The following COL6A5 variants were observed in gnomAD, a reference collection of about 807,000 sequenced individuals.
COL6A5 encodes collagen type VI alpha 5 chain.
Under a neutral mutation model 65.6 loss-of-function variants are expected in COL6A5, and 48 were observed. That is an observed-to-expected ratio of 0.73 (90% CI 0.58 to 0.93). The LOEUF is 0.93. Among genes scored for constraint, COL6A5 ranks in the 40% least tolerant of loss-of-function variants. COL6A5 has a pLI of 0.00. For missense variants in COL6A5, 914 were observed against 928.3 expected (o/e 0.98, Z 0.20); for synonymous variants, 291 against 322.8 (o/e 0.90, Z 1.05).
At chr3:130,440,021 C>T (rs1156382957) in intron 2 of COL6A5, 145 bp from the exon 35 acceptor site, 2 of 736,410 alleles carry the variant, frequency 2.7e-6, no homozygotes, top group Admixed American at 2.9e-5. Flanking sequence ...GAAAATTTCT[C>T]ATTAATTTAA....
At chr3:130,430,790 G>A (rs1937768614), upstream of COL6A5, among the ~76,000 whole-genome samples, 1 of 152,118 alleles carries the variant, frequency 6.6e-6, no homozygotes, top group Non-Finnish European at 1.5e-5. Flanking sequence ...TTTATCCTCT[G>A]AATCCTCATT....
intron 6 of COL6A5, 88 bp from the exon 7 acceptor site, chr3:130,391,091 T>G (rs1212428557): frequency 2.2e-6 from 2 of 892,148 alleles, no homozygotes; most frequent in African/African-American, 3.4e-5. Context: ...AGTAGGCTCA[T>G]GGCAAATGCC....
In COL6A5 at chr3:130,482,458, T is replaced by G. The variant is rs369572177; in HGVS notation, c.2329-1577T>G. Reference sequence around the variant, plus strand: ...TTTTGGTTACTGTAGCCTTGTAGTATAGTTTGAAGTCAGGCAGCATGATGC... The same window carrying G: ...TTTTGGTTACTGTAGCCTTGTAGTAGAGTTTGAAGTCAGGCAGCATGATGC... On this transcript the variant is annotated intron_variant, in intron 7 of 7. Coordinates refer to ENST00000512836, the Ensembl canonical transcript of COL6A5. 5.6e-4 allele frequency among the ~76,000 whole-genome samples: 85 copies of G among 152,314 alleles called. 1 individual carries two copies. In the South Asian group the frequency reaches 0.017, roughly 30 times the overall value.
At chr3:130,349,567 A>G (rs1417326215) in intron 1 of COL6A5, among the ~76,000 whole-genome samples, 2 of 152,224 alleles carry the variant, frequency 1.3e-5, no homozygotes, top group Non-Finnish European at 2.9e-5. Context: ...GTAAATCATA[A>G]TGTAATAATC....
At chr3:130,374,213 T>C (rs947243915) in intron 2 of COL6A5, among the ~76,000 whole-genome samples, 1 of 152,166 alleles carries the variant, frequency 6.6e-6, no homozygotes, top group Non-Finnish European at 1.5e-5. Context: ...GTAAACATCA[T>C]AGAGTATACT....
intron 7 of COL6A5, among the ~76,000 whole-genome samples, chr3:130,482,968 G>A (rs1159613270): frequency 6.6e-6 from 1 of 152,088 alleles, no homozygotes; most frequent in African/African-American, 2.4e-5. Context: ...GTTAAGGGCA[G>A]CCAGAGAGAA....
chr3:130,394,769 T>G (rs1363461537), intron 7 of COL6A5, 121 bp from the exon 8 acceptor site: 5 of 685,934 alleles, frequency 7.3e-6, no homozygotes, highest in Non-Finnish European at 1.2e-5. Flanking sequence ...TCTTGTTAAC[T>G]TATCTCAATT....
Position 130,347,001 on chromosome 3 carries a change from A to G in COL6A5, c.-29+1020A>G, listed in dbSNP as rs137993146. On this transcript the variant is annotated intron_variant and NMD_transcript_variant, in intron 1 of 41. Coordinates refer to the COL6A5 transcript ENST00000312481. ...TAGAGAAGATAATTCCCAAGTTTTT[A>G]AATAACTCCTTCAGATGAGGCAGGC... is the stretch of plus-strand genomic sequence containing the variant. Among the ~76,000 whole-genome samples, 712 of 152,306 alleles carry G rather than the reference A, an allele frequency of 4.7e-3. 3 individuals are homozygous for G. The highest frequency in any genetic ancestry group is 0.017 in the African/African-American group (691 of 41,562).
At chr3:130,366,008 C>A (rs930745715) in intron 1 of COL6A5, among the ~76,000 whole-genome samples, 1 of 152,248 alleles carries the variant, frequency 6.6e-6, no homozygotes, top group African/African-American at 2.4e-5. Context: ...TAATGAGGCA[C>A]GCAACCAGAC....
intron 1 of COL6A5, among the ~76,000 whole-genome samples, chr3:130,347,216 G>A (rs1200748308): frequency 6.6e-6 from 1 of 152,132 alleles, no homozygotes; most frequent in Non-Finnish European, 1.5e-5. Flanking sequence ...TCTTCAATGG[G>A]TGGGTGCAGG....
chr3:130,479,948 T>C (rs1214232387), intron 7 of COL6A5, among the ~76,000 whole-genome samples: 1 of 152,118 alleles, frequency 6.6e-6, no homozygotes, highest in East Asian at 1.9e-4. Flanking sequence ...TCTAAATGAC[T>C]GGATAACTGA....
intron 1 of COL6A5, among the ~76,000 whole-genome samples, chr3:130,346,861 C>A (rs951212728): frequency 6.6e-6 from 1 of 152,112 alleles, no homozygotes. Flanking sequence ...GAACAAAAAT[C>A]CTTAAGAAAA....
chr3:130,464,946 TC>T (rs1709779812), intron 5 of COL6A5, among the ~76,000 whole-genome samples: 1 of 152,128 alleles, frequency 6.6e-6, no homozygotes, highest in African/African-American at 2.4e-5. Flanking sequence ...TCAGTTGTCA[TC>T]TTTTAGAACT....
intron 5 of COL6A5, among the ~76,000 whole-genome samples, chr3:130,387,644 T>A (rs773305031): frequency 6.6e-6 from 1 of 152,014 alleles, no homozygotes; most frequent in Non-Finnish European, 1.5e-5. Context: ...CATCTTTTCA[T>A]TTTTTTAATA....
chr3:130,439,404 G>T (rs977687553), intron 1 of COL6A5, 118 bp from the exon 34 acceptor site: 35 of 626,006 alleles, frequency 5.6e-5, no homozygotes, highest in Admixed American at 5.1e-4. Flanking sequence ...GGAGCAAAGA[G>T]CTATAATGCA....
chr3:130,429,451 A>G, upstream of COL6A5: 2 of 755,934 alleles, frequency 2.6e-6, no homozygotes, highest in East Asian at 6.0e-5. Flanking sequence ...TCACTTAGGA[A>G]TTAGCCTCAT....
At chr3:130,399,806 G>A (rs997799428) in intron 10 of COL6A5, among the ~76,000 whole-genome samples, 1 of 151,886 alleles carries the variant, frequency 6.6e-6, no homozygotes. Flanking sequence ...AGGCTGGAGT[G>A]CAGTGACACA....
At chr3:130,398,271 C>G (rs1260008623) in intron 10 of COL6A5, among the ~76,000 whole-genome samples, 160 bp downstream of exon 10, 1 of 151,690 alleles carries the variant, frequency 6.6e-6, no homozygotes, top group Non-Finnish European at 1.5e-5. Context: ...GCTGGGACTA[C>G]AGGCGCCCAC....
chr3:130,471,855 T>C (rs1351745130), intron 7 of COL6A5: 5 of 1,510,878 alleles, frequency 3.3e-6, no homozygotes. Context: ...AAACTGGCAA[T>C]GAAAGACAAG....
Sources: gnomAD v4.1 joint callset for allele counts (sites outside exome capture counted in the v4.1 genomes callset) on GRCh38, gnomAD v4.1.1 for gene constraint, MANE v1.5 for transcripts, NCBI Gene and HGNC (gene_info 2026-07-23, HGNC 2026-07-21) for gene names.